The following CALCR variants were observed in gnomAD, a reference collection of about 807,000 sequenced individuals.
CALCR encodes calcitonin receptor.
Under a neutral mutation model 59.5 loss-of-function variants are expected in CALCR, and 47 were observed. That is an observed-to-expected ratio of 0.79 (90% confidence interval 0.63 to 1.01). The LOEUF is 1.01. Among genes scored for constraint, CALCR ranks in the 50% least tolerant of loss-of-function variants. The pLI, the probability that CALCR is intolerant of heterozygous loss-of-function variation, is 0.00. For synonymous variants in CALCR, 213 were observed against 211.3 expected, an observed-to-expected ratio of 1.01 and a Z score of -0.07; for missense variants, 566 against 597.1, an observed-to-expected ratio of 0.95 and a Z score of 0.54.
chr7:93,526,618 A>T (rs1801882946), intron 2 of CALCR, among the ~76,000 whole-genome samples: 1 of 152,126 alleles, frequency 6.6e-6, no homozygotes, highest in African/African-American at 2.4e-5. Flanking sequence ...GCTAGAGAAT[A>T]TGAAATAATG....
At chr7:93,470,798 A>C (rs1333108828) in intron 6 of CALCR, among the ~76,000 whole-genome samples, 3 of 150,852 alleles carry the variant, frequency 2.0e-5, no homozygotes, top group Non-Finnish European at 4.4e-5. Flanking sequence ...ATTATACTTT[A>C]AGTTTTAGGG....
At chr7:93,474,076 G>C (rs897035175) in intron 5 of CALCR, among the ~76,000 whole-genome samples, 4 of 151,562 alleles carry the variant, frequency 2.6e-5, no homozygotes, top group African/African-American at 4.8e-5. Flanking sequence ...AAATATACCA[G>C]ACCCTACATC....
intron 9 of CALCR, among the ~76,000 whole-genome samples, chr7:93,438,740 C>CT (rs1261955314): frequency 6.6e-6 from 1 of 152,062 alleles, no homozygotes; most frequent in Non-Finnish European, 1.5e-5. Flanking sequence ...CTTCTAGGCT[C>CT]TTTTGTTTTT....
intron 11 of CALCR, among the ~76,000 whole-genome samples, chr7:93,437,826 T>C (rs1249332968): frequency 6.6e-6 from 1 of 152,154 alleles, no homozygotes; most frequent in African/African-American, 2.4e-5. Flanking sequence ...ATGAGCTACA[T>C]TGCTATTATA....
In CALCR at chr7:93,453,967, C is replaced by G. The variant is rs142912870; in HGVS notation, c.648+6854G>C. Among the ~76,000 whole-genome samples the G allele has an allele frequency of 1.4e-4, 21 of 152,182 alleles. No individual in the cohort carries two copies. In the East Asian group the frequency reaches 3.5e-3, roughly 25 times the overall value. On this transcript the variant is annotated intron_variant, in intron 8 of 13. Coordinates refer to ENST00000426151, the MANE Select transcript of CALCR (RefSeq NM_001742.4). ...CAGGGTAGGATACTTCATTCCATTA[C>G]CACATCTTGGCATTACTGTCTCTGC...
chr7:93,478,286 A>G (rs1479907956), intron 4 of CALCR, among the ~76,000 whole-genome samples: 2 of 151,842 alleles, frequency 1.3e-5, no homozygotes, highest in African/African-American at 4.8e-5. Flanking sequence ...TTTTTGTTTA[A>G]AGGAAAATGG....
At position 93,443,666 on chromosome 7, in the gene CALCR, A is replaced by C. The variant is rs780711217; in HGVS notation, c.740T>G (p.Leu247Arg). The change falls in exon 9 of 14, where the codon CTC becomes CGC. Residue 247 changes from leucine to arginine, a missense_variant. Physicochemically the swap from Leu to Arg is moderately radical, Grantham distance 102 (BLOSUM62 -2). Coordinates refer to ENST00000426151, the MANE Select transcript of CALCR (RefSeq NM_001742.4). The stretch of plus-strand genomic sequence containing the variant: ...CTCAGTAAACACAGCCACGACAATG[A>C]GTGTATGAAGATAGATCCCTTCACA... ...MLCEGIYLHT[L>R]IVVAVFTEKQ... is the part of the protein sequence containing the mutation. 9 of 1,613,428 alleles carry C rather than the reference A, an allele frequency of 5.6e-6. No individual in the cohort carries two copies. The highest frequency in any genetic ancestry group is 5.1e-6 in the Non-Finnish European group (6 of 1,179,486).
chr7:93,567,536 A>AT (rs144669468), intron 2 of CALCR, among the ~76,000 whole-genome samples: 13,412 of 151,796 alleles, frequency 0.088, 667 homozygotes, highest in African/African-American at 0.11. Context: ...ATCTATGCAA[A>AT]TTTTTTTTAT....
At chr7:93,503,686 T>C (rs980121027) in intron 2 of CALCR, among the ~76,000 whole-genome samples, 5 of 152,182 alleles carry the variant, frequency 3.3e-5, no homozygotes, top group African/African-American at 1.2e-4. Context: ...TGGCGTAGCT[T>C]TGGAGTACAG....
intron 2 of CALCR, among the ~76,000 whole-genome samples, chr7:93,525,261 C>T (rs1339325079): frequency 1.3e-5 from 2 of 152,060 alleles, no homozygotes; most frequent in Non-Finnish European, 2.9e-5. Flanking sequence ...TGTTAGGAAA[C>T]ATTACCTTTT....
At chr7:93,547,456 A>G (rs1191286550) in intron 2 of CALCR, among the ~76,000 whole-genome samples, 2 of 152,210 alleles carry the variant, frequency 1.3e-5, no homozygotes, top group Non-Finnish European at 2.9e-5. Flanking sequence ...AATTAGAAGC[A>G]TACTATTTAA....
In CALCR at chr7:93,426,344, T is replaced by C. The variant is rs1799525291; in HGVS notation, c.*12A>G. ...ATGGCTCAGTGATCACGATGCTGTG[T>C]TTGCTTCACATTCAAGCAGATGACT... On this transcript the variant is annotated 3_prime_UTR_variant, in exon 14 of 14. Transcript: ENST00000426151. The C allele has an allele frequency of 2.8e-6, 4 of 1,446,882 alleles. No homozygotes were observed. The highest frequency in any genetic ancestry group is 1.7e-5 in the Admixed American group (1 of 59,752). 89.6% of individuals were successfully genotyped at this position (1,446,882 alleles called of 1,614,324 possible). A position where few individuals can be genotyped will look rare whatever the true frequency, so the allele number is the denominator to read the frequency against.
At chr7:93,452,602 T>G (rs1800132844) in intron 8 of CALCR, among the ~76,000 whole-genome samples, 1 of 152,030 alleles carries the variant, frequency 6.6e-6, no homozygotes, top group Non-Finnish European at 1.5e-5. Flanking sequence ...CTTGAGATGA[T>G]TCCTGATAAA....
At chr7:93,442,687 T>C (rs371027700) in intron 9 of CALCR, among the ~76,000 whole-genome samples, 2 of 152,270 alleles carry the variant, frequency 1.3e-5, no homozygotes, top group East Asian at 3.9e-4. Context: ...GCAAGCTTAG[T>C]TGAAGGCCAT....
chr7:93,445,396 A>C (rs1239407011), intron 8 of CALCR, among the ~76,000 whole-genome samples: 1 of 152,108 alleles, frequency 6.6e-6, no homozygotes, highest in Non-Finnish European at 1.5e-5. Flanking sequence ...CCAGAAATTA[A>C]GCATATGTTT....
At chr7:93,446,050 G>C (rs991743047) in intron 8 of CALCR, among the ~76,000 whole-genome samples, 1 of 152,004 alleles carries the variant, frequency 6.6e-6, no homozygotes, top group Admixed American at 6.6e-5. Flanking sequence ...GACATTCTGT[G>C]AATGTCTGTG....
At chr7:93,477,197 T>C (rs759688366) in intron 5 of CALCR, among the ~76,000 whole-genome samples, 1 of 151,910 alleles carries the variant, frequency 6.6e-6, no homozygotes, top group South Asian at 2.1e-4. Flanking sequence ...CTAATCCATT[T>C]AGTTTCAGCA....
intron 2 of CALCR, among the ~76,000 whole-genome samples, chr7:93,490,104 A>G (rs1407783207): frequency 6.6e-6 from 1 of 152,020 alleles, no homozygotes; most frequent in African/African-American, 2.4e-5. Context: ...CTGGTTCAAC[A>G]TACGCAAATC....
At chr7:93,437,325 T>G (rs532111281) in intron 11 of CALCR, among the ~76,000 whole-genome samples, 2 of 152,238 alleles carry the variant, frequency 1.3e-5, no homozygotes, top group African/African-American at 2.4e-5. Context: ...AATCGTGAAT[T>G]TATGAGTAGC....
Sources: gnomAD v4.1 joint callset for allele counts (sites outside exome capture counted in the v4.1 genomes callset) on GRCh38, gnomAD v4.1.1 for gene constraint, MANE v1.5 for transcripts, NCBI Gene and HGNC (gene_info 2026-07-23, HGNC 2026-07-21) for gene names.